SPACA3: variants seen among roughly 807,000 people sequenced by gnomAD.
The protein encoded by SPACA3 is sperm acrosome membrane-associated protein 3.
A neutral mutation model predicts 24.5 loss-of-function variants in SPACA3; 21 were observed. That is an observed-to-expected ratio of 0.86 (90% CI 0.61 to 1.24). The LOEUF (loss-of-function observed/expected upper bound fraction) is 1.24. Ranked by LOEUF, SPACA3 falls within the 50% of genes most tolerant of loss-of-function variation. SPACA3 has a pLI of 0.00. For synonymous variants in SPACA3, 115 were observed against 106.9 expected, an observed-to-expected ratio of 1.08 and a Z score of -0.47; for missense variants, 278 against 275.5, an observed-to-expected ratio of 1.01 and a Z score of -0.06.
chr17:32,997,397 C>G (rs1012029500), intron 3 of SPACA3, 48 bp from the exon 4 acceptor site: 2 of 1,480,866 alleles, frequency 1.4e-6, no homozygotes, highest in African/African-American at 2.8e-5. Context: ...ACACACACAC[C>G]TGGATGTCTC....
At chr17:32,992,067 G>A in intron 1 of SPACA3, 95 bp downstream of exon 1, 1 of 1,402,260 alleles carries the variant, frequency 7.1e-7, no homozygotes, top group Non-Finnish European at 9.8e-7. Flanking sequence ...TGGTGGTTAG[G>A]GTGGGGTTAT....
chr17:32,997,335 GTGTGTGTGT>G (rs2091728104), intron 3 of SPACA3, 101 bp from the exon 4 acceptor site: 2 of 786,852 alleles, frequency 2.5e-6, no homozygotes, highest in South Asian at 1.7e-5. Flanking sequence ...GTGTGTGTGT[GTGTGTGTGT>G]AGAGAGAGAG....
At position 32,995,524 on chromosome 17, in the gene SPACA3, C is replaced by T. The variant is rs371593939; in HGVS notation, c.150C>T (p.Ala50=). Residue 50 remains alanine (A), a synonymous_variant, in exon 2 of 5, where the codon GCC becomes GCT. Transcript: ENST00000269053. ...AGAGTGGTGGTGGCTCCACCTCTGC[C>T]GCCGGCATAGAAGCCAGGAGCAGGG... ...LSQSGGGSTS[A]AGIEARSRAL... is the part of the protein sequence containing the mutation. 1.2e-5 allele frequency: 19 copies of T among 1,614,054 alleles called. No individual in the cohort carries two copies. Among genetic ancestry groups the T allele is most frequent in the East Asian group, 4.5e-5 (2 of 44,892 alleles).
At position 32,995,593 on chromosome 17, in the gene SPACA3, C is replaced by T. The variant is rs142631993; in HGVS notation, c.219C>T (p.Ala73=). The T allele has an allele frequency of 1.2e-5, 19 of 1,614,214 alleles. No individual in the cohort carries two copies. The African/African-American group carries it at 2.0e-4, about 17-fold the overall frequency. ...RWCPAGIMLL[A]LVCLLSCLLP... is the part of the protein sequence containing the mutation. ...GCCCAGCTGGGATCATGTTGTTGGC[C>T]CTGGTCTGTCTGCTCAGCTGCCTGC... is the stretch of plus-strand genomic sequence containing the variant. Residue 73 remains alanine (A), a synonymous_variant, in exon 2 of 5, where the codon GCC becomes GCT. Coordinates refer to ENST00000269053, the MANE Select transcript of SPACA3 (RefSeq NM_173847.5).
rs148637807 is a variant in SPACA3, at chr17:32,997,134, G to A, written c.502+133G>A. ...ATCAGGCTGGGCCCACGGAGGAGAG[G>A]GAGATGGGACAAGGGATGAGGGTAG... On this transcript the variant is annotated intron_variant, in intron 3 of 4. Transcript: ENST00000269053. 5 of 1,074,396 alleles carry A rather than the reference G, an allele frequency of 4.7e-6. No individual in the cohort carries two copies. The East Asian group carries it at 1.3e-4, about 28-fold the overall frequency. The allele number at this position is 1,074,396 out of a possible 1,614,324, so 66.6% of individuals were successfully genotyped here. A position where few individuals can be genotyped will look rare whatever the true frequency, so the allele number is the denominator to read the frequency against.
rs768230238 is a variant in SPACA3 at position 32,997,542 on chromosome 17, A to G, written c.581+19A>G. The G allele has an allele frequency of 1.2e-6, 2 of 1,609,406 alleles. No homozygotes were observed. On this transcript the variant is annotated intron_variant, in intron 4 of 4. Coordinates refer to ENST00000269053, the MANE Select transcript of SPACA3 (RefSeq NM_173847.5). ...GTTACTGGTAAGTAACTTGGGCTGG[A>G]GCCCCGCAGCGGTGGTATGGTTAGG... is the stretch of plus-strand genomic sequence containing the variant.
chr17:32,992,723 A>G, intron 1 of SPACA3: 1 of 372,284 alleles, frequency 2.7e-6, no homozygotes, highest in Non-Finnish European at 5.3e-6. Context: ...ATGTAGAGGA[A>G]AGGAGAGGGT....
At position 32,997,806 on chromosome 17, in the gene SPACA3, G is replaced by A. The variant is rs767298191; in HGVS notation, c.*28G>A. 1.9e-5 allele frequency: 30 copies of A among 1,612,994 alleles called. No homozygotes were observed. The highest frequency in any genetic ancestry group is 2.5e-5 in the Non-Finnish European group (29 of 1,179,106). On this transcript the variant is annotated 3_prime_UTR_variant, in exon 5 of 5. Transcript: ENST00000269053. Reference sequence around the variant, plus strand: ...TGGACGGAACCATGCACAGCAGGCTGGGAAATGTGGTTTGGTTCCTGACCT... The same window carrying A: ...TGGACGGAACCATGCACAGCAGGCTAGGAAATGTGGTTTGGTTCCTGACCT...
chr17:32,996,535 A>T (rs1452316410), intron 2 of SPACA3, among the ~76,000 whole-genome samples: 1 of 152,092 alleles, frequency 6.6e-6, no homozygotes, highest in Admixed American at 6.5e-5. Context: ...TTCATTCAAC[A>T]AATTTATTGG....
Position 32,992,975 on chromosome 17 carries a change from C to G in SPACA3, c.34+1003C>G, listed in dbSNP as rs372229754. On this transcript the variant is annotated intron_variant, in intron 1 of 4. Transcript: ENST00000269053. The stretch of plus-strand genomic sequence containing the variant: ...TTGGAAGAGTGGTTGAGACATGATA[C>G]AAGAAGACCATGAAGGAAGCCAGGA... 1.4e-3 allele frequency: 639 copies of G among 469,712 alleles called. 10 individuals carry two copies. The highest frequency in any genetic ancestry group is 9.6e-3 in the South Asian group (619 of 64,420). 29.1% of individuals were successfully genotyped at this position (469,712 alleles called of 1,614,324 possible).
intron 1 of SPACA3, among the ~76,000 whole-genome samples, chr17:32,993,844 C>T (rs762373223): frequency 1.4e-4 from 21 of 152,010 alleles, no homozygotes; most frequent in African/African-American, 2.4e-4. Context: ...ACGGTGCTAG[C>T]GCGCCGGGAG....
intron 1 of SPACA3, 92 bp downstream of exon 1, chr17:32,992,064 T>G: frequency 2.1e-6 from 3 of 1,411,588 alleles, no homozygotes; most frequent in Non-Finnish European, 2.9e-6. Flanking sequence ...AGGTGGTGGT[T>G]AGGGTGGGGT....
At chr17:32,994,987 A>G (rs2091712817) in intron 1 of SPACA3, among the ~76,000 whole-genome samples, 2 of 151,988 alleles carry the variant, frequency 1.3e-5, no homozygotes, top group Admixed American at 1.3e-4. Context: ...GCTATAGGGG[A>G]GCAGTGTTCT....
At position 32,996,876 on chromosome 17, in the gene SPACA3, A is replaced by T. The variant is rs1386096256; in HGVS notation, c.377A>T (p.Asn126Ile). 6.2e-7 allele frequency: 1 copy of T among 1,607,940 alleles called. No individual in the cohort carries two copies. Among genetic ancestry groups the T allele is most frequent in the Admixed American group, 1.7e-5 (1 of 59,240 alleles). ...VCLAYFTSGF[N>I]AAALDYEADG... ...CTTGCTTATTTCACAAGCGGTTTCA[A>T]CGCAGCTGCTTTGGACTACGAGGCT... Residue 126 changes from asparagine (N) to isoleucine (I), a missense_variant, in exon 3 of 5, where the codon AAC becomes ATC. Transcript: ENST00000269053.
At chr17:32,992,889 G>T in intron 1 of SPACA3, 1 of 471,110 alleles carries the variant, frequency 2.1e-6, no homozygotes, top group Non-Finnish European at 4.4e-6. Context: ...GCCATCCAAG[G>T]TGTCACAGGG....
At chr17:32,993,534 C>A (rs570096280) in intron 1 of SPACA3, among the ~76,000 whole-genome samples, 1 of 152,156 alleles carries the variant, frequency 6.6e-6, no homozygotes, top group Non-Finnish European at 1.5e-5. Flanking sequence ...GAGAGGCAAG[C>A]CTTTCAACAG....
At chr17:32,993,000 A>G (rs774015124) in intron 1 of SPACA3, 19 of 469,618 alleles carry the variant, frequency 4.0e-5, no homozygotes, top group South Asian at 1.1e-4. Flanking sequence ...GGAAGCCAGG[A>G]TGGAGGTGTG....
At chr17:32,993,602 G>A (rs1446915961) in intron 1 of SPACA3, among the ~76,000 whole-genome samples, 3 of 152,122 alleles carry the variant, frequency 2.0e-5, no homozygotes, top group Admixed American at 6.6e-5. Context: ...GTCGAAGGGG[G>A]CCTCCTTGGA....
intron 1 of SPACA3, chr17:32,992,841 A>C: frequency 2.1e-6 from 1 of 468,218 alleles, no homozygotes; most frequent in Non-Finnish European, 4.4e-6. Context: ...AGGGTCGTGA[A>C]GGGCCGTGTG....
Sources: allele counts gnomAD v4.1 joint callset (sites outside exome capture counted in the v4.1 genomes callset), GRCh38; gene constraint gnomAD v4.1.1; transcripts MANE v1.5; gene names NCBI Gene and HGNC (gene_info 2026-07-23, HGNC 2026-07-21).